The following WSCD1 variants were observed in gnomAD, a reference collection of about 807,000 sequenced individuals.
The protein encoded by WSCD1 is WSC domain sialate O sulfotransferase 1.
Under a neutral mutation model 60.4 loss-of-function variants are expected in WSCD1, and 41 were observed. The observed-to-expected ratio is 0.68, with a 90% CI of 0.53 to 0.88. The LOEUF (loss-of-function observed/expected upper bound fraction) is 0.88, where lower values mean the gene tolerates loss of function less well. Ranked by LOEUF, WSCD1 falls within the 40% of genes least tolerant of loss-of-function variation. The pLI is 0.00. For synonymous variants in WSCD1, 361 were observed against 332.5 expected, an observed-to-expected ratio of 1.09 and a Z score of -0.93; for missense variants, 784 against 796.2, an observed-to-expected ratio of 0.98 and a Z score of 0.18.
intron 5 of WSCD1, among the ~76,000 whole-genome samples, chr17:6,107,610 C>T (rs530187166): frequency 2.0e-4 from 30 of 152,288 alleles, no homozygotes; most frequent in African/African-American, 7.2e-4. Context: ...CAGCCCATAG[C>T]AGCCAGCATG....
At chr17:6,120,249 G>C in intron 8 of WSCD1, 60 bp from the exon 9 acceptor site, 1 of 1,560,472 alleles carries the variant, frequency 6.4e-7, no homozygotes, top group Non-Finnish European at 8.7e-7. Flanking sequence ...AGCCCCCCGG[G>C]GACCGGCAGC....
At chr17:6,106,486 T>A (rs1030024000) in intron 5 of WSCD1, among the ~76,000 whole-genome samples, 1 of 152,154 alleles carries the variant, frequency 6.6e-6, no homozygotes, top group Non-Finnish European at 1.5e-5. Flanking sequence ...TTTTTCTGAA[T>A]GAAAGAAGCC....
chr17:6,072,440 G>A (rs1291137643), intron 1 of WSCD1, among the ~76,000 whole-genome samples: 2 of 152,220 alleles, frequency 1.3e-5, no homozygotes, highest in African/African-American at 4.8e-5. Context: ...CCTCCGAGCA[G>A]GGCCTCTAGG....
chr17:6,097,016 G>A (rs890819191), intron 5 of WSCD1, among the ~76,000 whole-genome samples: 1 of 152,234 alleles, frequency 6.6e-6, no homozygotes, highest in Non-Finnish European at 1.5e-5. Flanking sequence ...GAGAGGCTGG[G>A]CAGGTGTGCA....
chr17:6,084,393 C>G (rs1474506435), intron 2 of WSCD1, among the ~76,000 whole-genome samples: 2 of 152,224 alleles, frequency 1.3e-5, no homozygotes, highest in Middle Eastern at 3.2e-3. Flanking sequence ...CACAGCCAGT[C>G]CGGCCTCACT....
At chr17:6,116,160 G>A (rs1276491715) in intron 7 of WSCD1, among the ~76,000 whole-genome samples, 1 of 152,116 alleles carries the variant, frequency 6.6e-6, no homozygotes, top group Admixed American at 6.5e-5. Context: ...AGTCCCCTAG[G>A]AATCACCCAC....
chr17:6,076,365 C>A (rs1908859171), intron 1 of WSCD1, among the ~76,000 whole-genome samples: 1 of 152,206 alleles, frequency 6.6e-6, no homozygotes, highest in African/African-American at 2.4e-5. Context: ...TTGCTAACAG[C>A]AGTCTCAGCA....
intron 5 of WSCD1, among the ~76,000 whole-genome samples, chr17:6,106,097 C>A (rs1228586676): frequency 6.6e-6 from 1 of 152,218 alleles, no homozygotes; most frequent in Non-Finnish European, 1.5e-5. Flanking sequence ...GTGCAAGGCA[C>A]TTTTCTAGAT....
chr17:6,097,467 G>A (rs1409705121), intron 5 of WSCD1, among the ~76,000 whole-genome samples: 3 of 152,170 alleles, frequency 2.0e-5, no homozygotes, highest in East Asian at 1.9e-4. Context: ...CCCCGCAGCC[G>A]GGCAGGAGCT....
At chr17:6,096,873 C>T (rs1320923556) in intron 5 of WSCD1, among the ~76,000 whole-genome samples, 1 of 152,214 alleles carries the variant, frequency 6.6e-6, no homozygotes, top group Non-Finnish European at 1.5e-5. Flanking sequence ...GGAGGCAGGC[C>T]TGCCTTGAGC....
At chr17:6,119,116 T>C (rs531153207) in intron 8 of WSCD1, among the ~76,000 whole-genome samples, 1 of 152,310 alleles carries the variant, frequency 6.6e-6, no homozygotes, top group South Asian at 2.1e-4. Context: ...TGACCATATC[T>C]GACTCTAATC....
chr17:6,083,284 T>C (rs957361600), intron 2 of WSCD1, among the ~76,000 whole-genome samples: 1 of 152,218 alleles, frequency 6.6e-6, no homozygotes, highest in Non-Finnish European at 1.5e-5. Context: ...GTGGGCTCAG[T>C]TCCTCTCTTC....
intron 1 of WSCD1, among the ~76,000 whole-genome samples, chr17:6,077,377 A>G (rs1908936296): frequency 6.6e-6 from 1 of 152,102 alleles, no homozygotes; most frequent in Non-Finnish European, 1.5e-5. Flanking sequence ...ATGAGCCACT[A>G]TGCCCAGTCT....
upstream of WSCD1, among the ~76,000 whole-genome samples, chr17:6,069,921 G>A (rs1246763248): frequency 1.3e-5 from 2 of 151,942 alleles, no homozygotes; most frequent in East Asian, 1.9e-4. Flanking sequence ...GCAGAGCCCA[G>A]AGAGTGTGTG....
chr17:6,097,508 C>T (rs144724214), intron 5 of WSCD1, among the ~76,000 whole-genome samples: 2,147 of 152,358 alleles, frequency 0.014, 27 homozygotes, highest in Non-Finnish European at 0.023. Context: ...AACTCTTCAC[C>T]GGACAGCCTG....
intron 1 of WSCD1, among the ~76,000 whole-genome samples, chr17:6,071,981 G>A (rs1297019428): frequency 6.6e-6 from 1 of 152,252 alleles, no homozygotes; most frequent in East Asian, 1.9e-4. Context: ...GAGGCTTGGC[G>A]GTGGTTGGGC....
At position 6,118,155 on chromosome 17, in the gene WSCD1, G is replaced by A. The variant is rs755165305; in HGVS notation, c.1342G>A (p.Gly448Arg). 6.2e-7 allele frequency: 1 copy of A among 1,614,060 alleles called. No individual in the cohort carries two copies. Among genetic ancestry groups the A allele is most frequent in the African/African-American group, 1.3e-5 (1 of 74,924 alleles). The change falls in exon 8 of 9, where the codon GGA becomes AGA. Residue 448 changes from glycine (G) to arginine (R), a missense_variant. Transcript: ENST00000317744. The surrounding 1 kb of genome is among the most constrained non-coding windows in gnomAD (Gnocchi z 5.8). Reference sequence around the variant, plus strand: ...CAACAGAAAATGTGCCGGGCACCTGGGATATGCAGCTGACCGCAACTGGAA... The same window carrying A: ...CAACAGAAAATGTGCCGGGCACCTGAGATATGCAGCTGACCGCAACTGGAA... ...EFNRKCAGHL[G>R]YAADRNWKSK... is the part of the protein sequence containing the mutation.
rs1243280753 is a variant in WSCD1 at position 6,070,483 on chromosome 17, CGGCG to C, written c.-456_-453del. On this transcript the variant is annotated 5_prime_UTR_variant, in exon 1 of 9. Transcript: ENST00000317744. Reference sequence around the variant, plus strand: ...ACGCCAGCAGCCCCGGGGAGCCAGGCGGCGGCGCCCTGTGCCCGGGCGCGTGGGT... The same window carrying C: ...ACGCCAGCAGCCCCGGGGAGCCAGGCGCGCCCTGTGCCCGGGCGCGTGGGT... 4.1e-5 allele frequency: 6 copies of C among 147,166 alleles called. No homozygotes were observed. The highest frequency in any genetic ancestry group is 2.0e-4 in the Admixed American group (3 of 14,786). 9.1% of individuals were successfully genotyped at this position (147,166 alleles called of 1,614,324 possible). A position where few individuals can be genotyped will look rare whatever the true frequency, so the allele number is the denominator to read the frequency against.
At chr17:6,081,351 C>T (rs1210957171) in intron 2 of WSCD1, among the ~76,000 whole-genome samples, 1 of 151,970 alleles carries the variant, frequency 6.6e-6, no homozygotes. Context: ...CAGACATTGG[C>T]TGGAATCCTG....
Sources: gnomAD v4.1 joint callset for allele counts (sites outside exome capture counted in the v4.1 genomes callset) on GRCh38, gnomAD v4.1.1 for gene constraint, Gnocchi (gnomAD v3.1) non-coding constraint, MANE v1.5 for transcripts, NCBI Gene and HGNC (gene_info 2026-07-23, HGNC 2026-07-21) for gene names.